FRMD1: variants seen among roughly 807,000 people sequenced by gnomAD.
The protein encoded by FRMD1 is FERM domain containing 1.
A neutral mutation model predicts 54.9 loss-of-function variants in FRMD1; 51 were observed. The observed-to-expected ratio is 0.93, with a 90% confidence interval of 0.74 to 1.17. The LOEUF (loss-of-function observed/expected upper bound fraction) is 1.17. FRMD1 is among the 50% of genes most tolerant of loss of function. FRMD1 has a pLI of 0.00. For missense variants in FRMD1, 729 were observed against 743.0 expected (o/e 0.98, Z 0.22); for synonymous variants, 324 against 306.4 (o/e 1.06, Z -0.60).
chr6:168,056,950 C>T lies in FRMD1; in HGVS notation c.*147G>A. On this transcript the variant is annotated 3_prime_UTR_variant, in exon 11 of 11. Transcript: ENST00000283309. The stretch of plus-strand genomic sequence containing the variant: ...CAGGTTGATGTCAGAGCCAGCTCCA[C>T]ACCTCTTACAGGTGAACCTGTGGAG... 1 of 975,720 alleles carries T rather than the reference C, an allele frequency of 1.0e-6. No homozygotes were observed. The highest frequency in any genetic ancestry group is 1.4e-6 in the Non-Finnish European group (1 of 713,850). The allele number at this position is 975,720 out of a possible 1,614,324, so 60.4% of individuals were successfully genotyped here.
chr6:168,079,266 G>C (rs1214637464), upstream of FRMD1: 1 of 1,296,674 alleles, frequency 7.7e-7, no homozygotes, highest in Non-Finnish European at 1.0e-6. Context: ...ACAAGGGTCA[G>C]AGCTGCAAAT....
At position 168,078,953 on chromosome 6, in the gene FRMD1, C is replaced by T. The variant is rs764064485; in HGVS notation, c.142G>A (p.Ala48Thr). 2.4e-5 allele frequency: 38 copies of T among 1,610,802 alleles called. No homozygotes were observed. Among genetic ancestry groups the T allele is most frequent in the South Asian group, 2.3e-4 (21 of 91,050 alleles). Residue 48 changes from alanine (A) to threonine (T), a missense_variant, in exon 1 of 11, where the codon GCG (alanine) becomes ACG (threonine). Physicochemically the swap from Ala to Thr is moderately conservative, Grantham distance 58 (BLOSUM62 0). Coordinates refer to ENST00000283309, the MANE Select transcript of FRMD1 (RefSeq NM_024919.6). The part of the protein sequence containing the change: ...SQQEPTLGMD[A>T]MASEHRDVLV... The stretch of plus-strand genomic sequence containing the variant: ...ACATCCCTGTGTTCCGAGGCCATCG[C>T]GTCCATTCCCAGGGTCGGCTCCTGC...
In FRMD1 at chr6:168,078,923, C is replaced by A. The variant is rs779816150; in HGVS notation, c.172G>T (p.Val58Leu). Residue 58 changes from valine to leucine, a missense_variant, in exon 1 of 11, where the codon GTG becomes TTG. Transcript: ENST00000283309. The stretch of plus-strand genomic sequence containing the variant: ...AGTTGCTCCCGGCTGGGCAGCAGCA[C>A]GAGGACATCCCTGTGTTCCGAGGCC... ...AMASEHRDVL[V>L]LLPSREQLRL... 4.4e-5 allele frequency: 71 copies of A among 1,605,932 alleles called. No homozygotes were observed. The highest frequency in any genetic ancestry group is 5.8e-5 in the Non-Finnish European group (68 of 1,178,832).
chr6:168,058,882 C>A (rs983105206), intron 10 of FRMD1, among the ~76,000 whole-genome samples: 1 of 152,158 alleles, frequency 6.6e-6, no homozygotes, highest in South Asian at 2.1e-4. Context: ...CCAGGCAGGA[C>A]CCCTCCCTCC....
At chr6:168,074,510 T>C (rs895639493) in intron 2 of FRMD1, among the ~76,000 whole-genome samples, 4 of 121,192 alleles carry the variant, frequency 3.3e-5, no homozygotes, top group South Asian at 2.6e-4. Context: ...TGTGTGCATG[T>C]GTGTGGTGTA....
At chr6:168,069,109 C>T (rs1416979263) in intron 2 of FRMD1, among the ~76,000 whole-genome samples, 6 of 152,208 alleles carry the variant, frequency 3.9e-5, no homozygotes, top group African/African-American at 1.2e-4. Flanking sequence ...TGAACCAATC[C>T]CTACATCTTC....
chr6:168,057,684 C>G (rs1413168718), intron 10 of FRMD1: 1 of 275,732 alleles, frequency 3.6e-6, no homozygotes, highest in Non-Finnish European at 6.8e-6. Context: ...GGAAGCACCT[C>G]AGTGGTCAAG....
intron 2 of FRMD1, among the ~76,000 whole-genome samples, chr6:168,073,466 C>G (rs571684282): frequency 6.6e-6 from 1 of 152,230 alleles, no homozygotes; most frequent in Non-Finnish European, 1.5e-5. Context: ...ATTCCCTCTG[C>G]CCCCCAGGGT....
Position 168,056,907 on chromosome 6 carries a change from G to T in FRMD1, c.*190C>A. On this transcript the variant is annotated 3_prime_UTR_variant, in exon 11 of 11. Transcript: ENST00000283309. ...TATGGCAGACAGGCATGAGGTGCGG[G>T]ACCTGTTTGTTACCTCCCAGGTTGA... 1.7e-6 allele frequency: 1 copy of T among 580,782 alleles called. No homozygotes were observed. Among genetic ancestry groups the T allele is most frequent in the Non-Finnish European group, 2.7e-6 (1 of 366,872 alleles). 36.0% of individuals were successfully genotyped at this position (580,782 alleles called of 1,614,324 possible).
rs368128044 is a variant in FRMD1, at chr6:168,056,905, G to A, written c.*192C>T. Reference sequence around the variant, plus strand: ...TGTATGGCAGACAGGCATGAGGTGCGGGACCTGTTTGTTACCTCCCAGGTT... The same window carrying A: ...TGTATGGCAGACAGGCATGAGGTGCAGGACCTGTTTGTTACCTCCCAGGTT... On this transcript the variant is annotated 3_prime_UTR_variant, in exon 11 of 11. Coordinates refer to ENST00000283309, the MANE Select transcript of FRMD1 (RefSeq NM_024919.6). 3.9e-5 allele frequency: 22 copies of A among 567,320 alleles called. No homozygotes were observed. The highest frequency in any genetic ancestry group is 3.4e-4 in the Admixed American group (9 of 26,498). 35.1% of individuals were successfully genotyped at this position (567,320 alleles called of 1,614,324 possible).
In FRMD1 at chr6:168,067,013, G is replaced by C. The variant is rs1800066536; in HGVS notation, c.385-182C>G. ...TTTCTACCCGGAGAACCCTGAGTGG[G>C]ACGTGGTCTACAGCGTTCAAGAACA... On this transcript the variant is annotated intron_variant, in intron 3 of 10. Transcript: ENST00000283309. 3 of 833,030 alleles carry C rather than the reference G, an allele frequency of 3.6e-6. No individual in the cohort carries two copies. In the Admixed American group the frequency reaches 6.2e-5, roughly 17 times the overall value. 51.6% of individuals were successfully genotyped at this position (833,030 alleles called of 1,614,324 possible).
intron 2 of FRMD1, among the ~76,000 whole-genome samples, chr6:168,072,202 C>T (rs1046508582): frequency 5.3e-5 from 8 of 152,278 alleles, no homozygotes; most frequent in African/African-American, 7.2e-5. Context: ...ACAGGAGAGA[C>T]GCCCTGCCCT....
rs371496425 is a variant in FRMD1 at position 168,053,146 on chromosome 6, C to T, written c.*3951G>A. On this transcript the variant is annotated 3_prime_UTR_variant, in exon 11 of 11. Transcript: ENST00000283309. ...GCCTGTGATTAATAAACAATTAACC[C>T]GCGCCATTTTCCCCACTGCGTGTTC... 2.2e-5 allele frequency: 3 copies of T among 137,776 alleles called. No individual in the cohort carries two copies. Among genetic ancestry groups the T allele is most frequent in the African/African-American group, 5.5e-5 (2 of 36,496 alleles). 8.5% of individuals were successfully genotyped at this position (137,776 alleles called of 1,614,324 possible). A position where few individuals can be genotyped will look rare whatever the true frequency, so the allele number is the denominator to read the frequency against.
At chr6:168,077,264 ATG>A (rs1442774335) in intron 1 of FRMD1, among the ~76,000 whole-genome samples, 1 of 147,604 alleles carries the variant, frequency 6.8e-6, no homozygotes, top group African/African-American at 2.5e-5. Flanking sequence ...GCAGACACAG[ATG>A]TGCACACACT....
chr6:168,065,314 A>T (rs3734903), intron 4 of FRMD1: 73,548 of 1,263,794 alleles, frequency 0.058, 2,327 homozygotes, highest in East Asian at 0.17. Context: ...CCGAGGTCCC[A>T]CTCCTTCCCC....
intron 3 of FRMD1, chr6:168,067,076 C>T (rs779307760): frequency 7.0e-6 from 5 of 711,980 alleles, no homozygotes; most frequent in Non-Finnish European, 1.3e-5. Flanking sequence ...CACCTGCTTG[C>T]AGCCTCAGGG....
upstream of FRMD1, among the ~76,000 whole-genome samples, chr6:168,086,422 G>C (rs1419716972): frequency 2.0e-5 from 3 of 146,572 alleles, no homozygotes; most frequent in African/African-American, 5.2e-5. Context: ...TACACCCCTA[G>C]CATGGATGCC....
At chr6:168,063,580 G>A (rs996164637) in intron 6 of FRMD1, 21 bp downstream of exon 6, 8 of 1,594,594 alleles carry the variant, frequency 5.0e-6, no homozygotes, top group African/African-American at 2.7e-5. Context: ...CCAGCCCATC[G>A]CTGGCCGCCC....
upstream of FRMD1, chr6:168,081,234 C>T: frequency 1.0e-6 from 1 of 992,434 alleles, no homozygotes; most frequent in Non-Finnish European, 1.4e-6. Context: ...TGAGTACCTC[C>T]CGCCAGGGCA....
Sources: gnomAD v4.1 joint callset for allele counts (sites outside exome capture counted in the v4.1 genomes callset) on GRCh38, gnomAD v4.1.1 for gene constraint, MANE v1.5 for transcripts, NCBI Gene and HGNC (gene_info 2026-07-23, HGNC 2026-07-21) for gene names.